LRRC63: variants seen among roughly 807,000 people sequenced by gnomAD.
The protein encoded by LRRC63 is leucine rich repeat containing 63, also known as leucine-rich repeat-containing protein 63.
A neutral mutation model predicts 49.5 loss-of-function variants in LRRC63; 40 were observed. That is an observed-to-expected ratio of 0.81 (90% CI 0.63 to 1.05). The LOEUF is 1.05. Among genes scored for constraint, LRRC63 ranks in the 50% least tolerant of loss-of-function variants. LRRC63 has a pLI of 0.00. For missense variants in LRRC63, 636 were observed against 663.1 expected, an observed-to-expected ratio of 0.96 and a Z score of 0.45; for synonymous variants, 191 against 221.1, an observed-to-expected ratio of 0.86 and a Z score of 1.21.
chr13:46,262,303 C>T (rs556553520), intron 8 of LRRC63, among the ~76,000 whole-genome samples: 29 of 152,178 alleles, frequency 1.9e-4, no homozygotes, highest in African/African-American at 5.3e-4. Flanking sequence ...AATACATTTA[C>T]GCAAAATGCT....
chr13:46,226,121 G>A (rs2046568396), intron 2 of LRRC63, among the ~76,000 whole-genome samples: 1 of 151,948 alleles, frequency 6.6e-6, no homozygotes, highest in Non-Finnish European at 1.5e-5. Context: ...GTATCTGGGA[G>A]TACAGGAGCA....
chr13:46,255,477 G>A (rs1218938336), intron 7 of LRRC63, among the ~76,000 whole-genome samples: 1 of 151,642 alleles, frequency 6.6e-6, no homozygotes, highest in Non-Finnish European at 1.5e-5. Flanking sequence ...TAGAGCCTGG[G>A]CAACATGGTA....
intron 5 of LRRC63, among the ~76,000 whole-genome samples, chr13:46,238,500 T>C (rs995360676): frequency 4.6e-5 from 7 of 151,866 alleles, no homozygotes; most frequent in African/African-American, 1.7e-4. Context: ...GGACTGACAG[T>C]TCCACATGGC....
chr13:46,271,037 C>T (rs1254687274), intron 9 of LRRC63, among the ~76,000 whole-genome samples: 1 of 152,154 alleles, frequency 6.6e-6, no homozygotes, highest in African/African-American at 2.4e-5. Flanking sequence ...TGGGTTTAAA[C>T]TGTTAGAGGG....
At chr13:46,226,236 A>G (rs999558127) in intron 2 of LRRC63, among the ~76,000 whole-genome samples, 12 of 152,160 alleles carry the variant, frequency 7.9e-5, no homozygotes, top group African/African-American at 2.9e-4. Context: ...CTGCTATCTC[A>G]GCATCCCAAA....
intron 5 of LRRC63, among the ~76,000 whole-genome samples, chr13:46,234,654 A>T (rs2046856229): frequency 6.6e-6 from 1 of 152,218 alleles, no homozygotes; most frequent in African/African-American, 2.4e-5. Context: ...CAAATCTAGT[A>T]CTAGGATGGC....
chr13:46,259,686 G>A (rs754880490), intron 7 of LRRC63, among the ~76,000 whole-genome samples: 1 of 152,092 alleles, frequency 6.6e-6, no homozygotes, highest in Non-Finnish European at 1.5e-5. Context: ...TGATGAAAAG[G>A]GATAGCTACA....
chr13:46,273,256 A>G (rs1245286378), intron 9 of LRRC63, among the ~76,000 whole-genome samples: 1 of 152,162 alleles, frequency 6.6e-6, no homozygotes, highest in African/African-American at 2.4e-5. Flanking sequence ...AAAATGGGAA[A>G]AGAGGGATGT....
intron 7 of LRRC63, among the ~76,000 whole-genome samples, chr13:46,255,452 A>G (rs1050238642): frequency 3.3e-5 from 5 of 151,978 alleles, no homozygotes; most frequent in Admixed American, 2.0e-4. Context: ...ATATTTTACT[A>G]TAACAAAAAA....
At chr13:46,250,233 A>C in intron 6 of LRRC63, 122 bp from the exon 7 acceptor site, 1 of 849,314 alleles carries the variant, frequency 1.2e-6, no homozygotes, top group South Asian at 2.0e-5. Flanking sequence ...GTTACATGAT[A>C]TAGCCAATTA....
intron 7 of LRRC63, 88 bp downstream of exon 7, chr13:46,250,579 C>A: frequency 8.8e-7 from 1 of 1,131,180 alleles, no homozygotes; most frequent in Non-Finnish European, 1.2e-6. Context: ...CAGCTAGCAG[C>A]TTTTTGGCTA....
Position 46,250,344 on chromosome 13 carries a change from C to A in LRRC63, c.1090-11C>A. 5 of 1,474,976 alleles carry A rather than the reference C, an allele frequency of 3.4e-6. No individual in the cohort carries two copies. Among genetic ancestry groups the A allele is most frequent in the Non-Finnish European group, 4.6e-6 (5 of 1,093,256 alleles). 91.4% of individuals were successfully genotyped at this position (1,474,976 alleles called of 1,614,324 possible). On this transcript the variant is annotated splice_polypyrimidine_tract_variant and intron_variant, in intron 6 of 9. Transcript: ENST00000595396. ...TTCCGCTCATGTTTGTTTCTCTTTTCTGTTCCCCAGATATTATGTCTTAAA... is the reference window on the plus strand; with the variant it reads ...TTCCGCTCATGTTTGTTTCTCTTTTATGTTCCCCAGATATTATGTCTTAAA...
At chr13:46,230,989 G>A (rs2046738412) in intron 4 of LRRC63, among the ~76,000 whole-genome samples, 1 of 152,174 alleles carries the variant, frequency 6.6e-6, no homozygotes, top group South Asian at 2.1e-4. Flanking sequence ...CAAGCTCTTT[G>A]CTAAGGTGTA....
At chr13:46,251,159 G>GAATA (rs1157474470) in intron 7 of LRRC63, among the ~76,000 whole-genome samples, 1 of 151,742 alleles carries the variant, frequency 6.6e-6, no homozygotes, top group African/African-American at 2.4e-5. Context: ...ATAAATAGTT[G>GAATA]AATAATACTT....
intron 7 of LRRC63, among the ~76,000 whole-genome samples, chr13:46,254,726 G>A (rs1333612893): frequency 6.6e-6 from 1 of 152,170 alleles, no homozygotes; most frequent in African/African-American, 2.4e-5. Flanking sequence ...ACAGAGCACA[G>A]GAAAGTGAAT....
chr13:46,265,289 A>G (rs867062080), intron 8 of LRRC63, among the ~76,000 whole-genome samples: 1 of 152,172 alleles, frequency 6.6e-6, no homozygotes, highest in Non-Finnish European at 1.5e-5. Context: ...TATTCAGGTG[A>G]GCCATGGTGA....
intron 5 of LRRC63, among the ~76,000 whole-genome samples, chr13:46,236,373 T>C (rs1345114675): frequency 6.6e-6 from 1 of 152,066 alleles, no homozygotes; most frequent in Non-Finnish European, 1.5e-5. Flanking sequence ...ATGAGACATA[T>C]AATCTAATTG....
chr13:46,225,308 A>C (rs919621748), intron 2 of LRRC63, among the ~76,000 whole-genome samples: 8 of 152,324 alleles, frequency 5.3e-5, no homozygotes, highest in South Asian at 2.1e-4. Context: ...GATCCCAGGC[A>C]TGCAGGCCAT....
chr13:46,243,029 A>C (rs1424230971), intron 5 of LRRC63, among the ~76,000 whole-genome samples: 2 of 152,228 alleles, frequency 1.3e-5, no homozygotes, highest in African/African-American at 4.8e-5. Flanking sequence ...ATATATTAAT[A>C]CTGTAATTGT....
Sources: allele counts gnomAD v4.1 joint callset (sites outside exome capture counted in the v4.1 genomes callset), GRCh38; gene constraint gnomAD v4.1.1; transcripts MANE v1.5; gene names NCBI Gene and HGNC (gene_info 2026-07-23, HGNC 2026-07-21).